FSTL4: variants seen among roughly 807,000 people sequenced by gnomAD.
The protein encoded by FSTL4 is follistatin-related protein 4.
FSTL4 carries 28 observed loss-of-function variants against 78.2 expected under a neutral mutation model. The observed-to-expected ratio is 0.36, with a 90% CI of 0.27 to 0.49. The LOEUF (loss-of-function observed/expected upper bound fraction) is 0.49. Ranked by LOEUF, FSTL4 falls within the 20% of genes least tolerant of loss-of-function variation. FSTL4 has a pLI of 0.98. For missense variants in FSTL4, 922 were observed against 1,084.9 expected, an observed-to-expected ratio of 0.85 and a Z score of 2.11; for synonymous variants, 422 against 440.5, an observed-to-expected ratio of 0.96 and a Z score of 0.53.
At chr5:133,326,405 T>C (rs1403136574) in intron 4 of FSTL4, among the ~76,000 whole-genome samples, 1 of 152,224 alleles carries the variant, frequency 6.6e-6, no homozygotes, top group Non-Finnish European at 1.5e-5. Flanking sequence ...GTCGTGCCAC[T>C]TGGTAACCCA....
chr5:133,250,970 A>T (rs1380876990), intron 6 of FSTL4, among the ~76,000 whole-genome samples: 3 of 152,172 alleles, frequency 2.0e-5, no homozygotes, highest in Non-Finnish European at 4.4e-5. Flanking sequence ...ACACAGGAAA[A>T]ATGTGACTAA....
chr5:133,616,917 A>C (rs918147107), upstream of FSTL4, among the ~76,000 whole-genome samples: 27 of 152,170 alleles, frequency 1.8e-4, no homozygotes, highest in African/African-American at 4.6e-4. Flanking sequence ...CTTGCTTCCT[A>C]GCAAGAGTGG....
At chr5:133,549,793 C>A (rs977971649) in intron 3 of FSTL4, among the ~76,000 whole-genome samples, 1 of 152,186 alleles carries the variant, frequency 6.6e-6, no homozygotes, top group African/African-American at 2.4e-5. Flanking sequence ...CTACTGAAAG[C>A]TTAGCTTGTG....
intron 3 of FSTL4, among the ~76,000 whole-genome samples, chr5:133,405,725 A>G (rs1349132548): frequency 6.6e-6 from 1 of 152,238 alleles, no homozygotes. Context: ...AGTGCCTGTC[A>G]GTGTCGACTC....
At chr5:133,406,720 C>T (rs1756372077) in intron 3 of FSTL4, among the ~76,000 whole-genome samples, 1 of 152,222 alleles carries the variant, frequency 6.6e-6, no homozygotes, top group South Asian at 2.1e-4. Context: ...TTTACTGAGG[C>T]AGGCCCACCA....
the FSTL4 span, among the ~76,000 whole-genome samples, chr5:133,799,717 C>G: frequency 0.23 from 32,326 of 138,682 alleles, 10,082 homozygotes; most frequent in African/African-American, 0.56. Context: ...AACGCCTCCC[C>G]CTCCTGGCCC....
At chr5:133,625,399 T>C in the FSTL4 span, among the ~76,000 whole-genome samples, 1 of 151,662 alleles carries the variant, frequency 6.6e-6, no homozygotes, top group Admixed American at 6.6e-5. Context: ...AATTTGTGTG[T>C]ATAGAGTGGT....
intron 6 of FSTL4, among the ~76,000 whole-genome samples, chr5:133,259,550 GCT>G (rs1752467528): frequency 7.3e-6 from 1 of 136,832 alleles, no homozygotes; most frequent in Non-Finnish European, 1.5e-5. Flanking sequence ...GAGGAGTCTC[GCT>G]CTGTCACCCA....
At chr5:133,442,659 A>T (rs923609890) in intron 3 of FSTL4, among the ~76,000 whole-genome samples, 35 of 152,216 alleles carry the variant, frequency 2.3e-4, no homozygotes, top group Admixed American at 1.1e-3. Flanking sequence ...GGTAGAAGTG[A>T]GAATTAAAAA....
intron 3 of FSTL4, among the ~76,000 whole-genome samples, chr5:133,496,003 G>C (rs10055980): frequency 0.021 from 3,200 of 152,206 alleles, 120 homozygotes; most frequent in African/African-American, 0.073. Flanking sequence ...CTGGGTTTGA[G>C]GATGTTCAGA....
intron 3 of FSTL4, among the ~76,000 whole-genome samples, chr5:133,502,416 C>A (rs1175540304): frequency 6.6e-6 from 1 of 152,178 alleles, no homozygotes; most frequent in Non-Finnish European, 1.5e-5. Flanking sequence ...CAGAGAGCAT[C>A]CCCTAGCTAA....
At chr5:133,810,789 C>T in the FSTL4 span, among the ~76,000 whole-genome samples, 1 of 152,156 alleles carries the variant, frequency 6.6e-6, no homozygotes, top group Non-Finnish European at 1.5e-5. Context: ...CACCATGTTG[C>T]CTGTTCCTCA....
At position 133,210,308 on chromosome 5, in the gene FSTL4, A is replaced by AAAT; in HGVS notation, c.1609-13_1609-11dup. The AAAT allele has an allele frequency of 6.8e-7, 1 of 1,461,202 alleles. No homozygotes were observed. The allele number at this position is 1,461,202 out of a possible 1,614,324, so 90.5% of individuals were successfully genotyped here. Reference sequence around the variant, plus strand: ...GGTCCACACCTATGGACTTGAAAAAAAATAGTGACATGTTGTGAAAGCTGA... The same window carrying AAAT: ...GGTCCACACCTATGGACTTGAAAAAAAATAATAGTGACATGTTGTGAAAGCTGA... On this transcript the variant is annotated splice_polypyrimidine_tract_variant and intron_variant, in intron 13 of 15. Transcript: ENST00000265342.
At chr5:133,333,318 G>GC (rs1289105827) in intron 4 of FSTL4, among the ~76,000 whole-genome samples, 1 of 152,224 alleles carries the variant, frequency 6.6e-6, no homozygotes, top group African/African-American at 2.4e-5. Flanking sequence ...CCGGGCAATG[G>GC]CGATGCAGCC....
chr5:133,339,140 A>G (rs17166594), intron 4 of FSTL4, among the ~76,000 whole-genome samples: 5,766 of 152,096 alleles, frequency 0.038, 244 homozygotes, highest in African/African-American at 0.11. Context: ...CATGCCTACC[A>G]TCACCTTGGG....
At chr5:133,704,541 C>G in the FSTL4 span, among the ~76,000 whole-genome samples, 1 of 152,200 alleles carries the variant, frequency 6.6e-6, no homozygotes, top group South Asian at 2.1e-4. Context: ...CAAAGGGGCT[C>G]AAAGGCACCG....
the FSTL4 span, among the ~76,000 whole-genome samples, chr5:133,799,870 C>T: frequency 7.2e-6 from 1 of 139,170 alleles, no homozygotes; most frequent in South Asian, 2.3e-4. Context: ...AGATGCGACA[C>T]GTGCCATGTA....
chr5:133,401,698 C>A (rs929961737), intron 3 of FSTL4, among the ~76,000 whole-genome samples: 2 of 152,106 alleles, frequency 1.3e-5, no homozygotes, highest in African/African-American at 2.4e-5. Flanking sequence ...CTGGGAGTGG[C>A]GGAGATCATG....
chr5:133,331,805 G>A (rs922342615), intron 4 of FSTL4, among the ~76,000 whole-genome samples: 3 of 152,140 alleles, frequency 2.0e-5, no homozygotes, highest in Non-Finnish European at 4.4e-5. Context: ...GAGATCTTTG[G>A]AGTATTTCCA....
Sources: allele counts gnomAD v4.1 joint callset (sites outside exome capture counted in the v4.1 genomes callset), GRCh38; gene constraint gnomAD v4.1.1; transcripts MANE v1.5; gene names NCBI Gene and HGNC (gene_info 2026-07-23, HGNC 2026-07-21).